Variants in TERF2 observed in about 807,000 individuals in gnomAD.
TERF2 encodes the protein telomeric repeat binding factor 2.
Under a neutral mutation model 56.1 loss-of-function variants are expected in TERF2, and 16 were observed. The observed-to-expected ratio is 0.29, with a 90% CI of 0.19 to 0.43. TERF2 has a LOEUF of 0.43. TERF2 is among the 20% of genes least tolerant of loss of function. The probability of loss-of-function intolerance (pLI) is 1.00; values close to 1 mark genes in which losing one functional copy is unlikely to be tolerated. For missense variants in TERF2, 547 were observed against 712.9 expected, an observed-to-expected ratio of 0.77 and a Z score of 2.65; for synonymous variants, 296 against 282.1, an observed-to-expected ratio of 1.05 and a Z score of -0.50.
intron 7 of TERF2, among the ~76,000 whole-genome samples, chr16:69,362,463 A>C (rs775209144): frequency 1.0e-3 from 152 of 152,130 alleles, no homozygotes; most frequent in Non-Finnish European, 1.4e-3. Context: ...CACATAGCAT[A>C]CCCAGCACAG....
In TERF2 at chr16:69,372,367, G is replaced by C. The variant is rs773532380; in HGVS notation, c.607-12C>G. The C allele has an allele frequency of 6.4e-7, 1 of 1,566,994 alleles. No homozygotes were observed. The highest frequency in any genetic ancestry group is 1.8e-5 in the Admixed American group (1 of 54,498). ...CAAATAATGACAGCCTAAAAAGGAG[G>C]GGAAAAATCTTTTTTTACTTTTGTA... On this transcript the variant is annotated splice_polypyrimidine_tract_variant and intron_variant, in intron 3 of 9. Coordinates refer to ENST00000254942, the MANE Select transcript of TERF2 (RefSeq NM_005652.5).
At chr16:69,370,280 CT>C in intron 5 of TERF2, 3 of 631,746 alleles carry the variant, frequency 4.7e-6, no homozygotes, top group Non-Finnish European at 7.8e-6. Flanking sequence ...ATCCACCCCC[CT>C]GGGCCTCCCA....
intron 8 of TERF2, among the ~76,000 whole-genome samples, chr16:69,358,520 C>T (rs2142702209): frequency 6.6e-6 from 1 of 152,296 alleles, no homozygotes; most frequent in South Asian, 2.1e-4. Context: ...TCTACATATA[C>T]ATATAGGTAT....
At chr16:69,359,304 G>C (rs2013038661) in intron 8 of TERF2, among the ~76,000 whole-genome samples, 1 of 152,122 alleles carries the variant, frequency 6.6e-6, no homozygotes, top group Non-Finnish European at 1.5e-5. Context: ...AAGGCGGGCG[G>C]ATCACTTGAG....
In TERF2 at chr16:69,368,267, C is replaced by A. The variant is rs544676933; in HGVS notation, c.947+109G>T. On this transcript the variant is annotated intron_variant, in intron 6 of 9. Coordinates refer to ENST00000254942, the MANE Select transcript of TERF2 (RefSeq NM_005652.5). ...GCCTTGTATGAGTAACCTCGTAACACGTTAGTAGGTCGGAGTGCTGAGAGG... is the reference window on the plus strand; with the variant it reads ...GCCTTGTATGAGTAACCTCGTAACAAGTTAGTAGGTCGGAGTGCTGAGAGG... 8.9e-5 allele frequency: 88 copies of A among 984,440 alleles called. No individual in the cohort carries two copies. In the East Asian group the frequency reaches 2.0e-3, roughly 23 times the overall value. 61.0% of individuals were successfully genotyped at this position (984,440 alleles called of 1,614,324 possible). A position where few individuals can be genotyped will look rare whatever the true frequency, so the allele number is the denominator to read the frequency against.
chr16:69,367,831 C>T (rs2013408061), intron 6 of TERF2, among the ~76,000 whole-genome samples: 1 of 152,086 alleles, frequency 6.6e-6, no homozygotes, highest in Non-Finnish European at 1.5e-5. Context: ...CATGGAAAAC[C>T]CTGGACATCT....
chr16:69,361,233 A>C (rs2013125418), intron 8 of TERF2, 171 bp downstream of exon 8: 1 of 614,158 alleles, frequency 1.6e-6, no homozygotes, highest in Admixed American at 2.9e-5. Context: ...CCCTGTCTGA[A>C]AAAGGAAAAA....
chr16:69,380,409 C>G (rs1259258713), intron 3 of TERF2, among the ~76,000 whole-genome samples: 1 of 151,588 alleles, frequency 6.6e-6, no homozygotes, highest in Non-Finnish European at 1.5e-5. Flanking sequence ...TCCTGTAATC[C>G]CAGCACTTTG....
At chr16:69,360,437 C>G (rs932875636) in intron 8 of TERF2, among the ~76,000 whole-genome samples, 35 of 151,400 alleles carry the variant, frequency 2.3e-4, no homozygotes, top group African/African-American at 7.3e-4. Context: ...GGTATGGTGG[C>G]TCACAAGTAT....
chr16:69,367,533 G>A (rs143164698), intron 6 of TERF2, among the ~76,000 whole-genome samples: 3,205 of 152,176 alleles, frequency 0.021, 121 homozygotes, highest in African/African-American at 0.073. Flanking sequence ...GATTACAGGC[G>A]TGATCCACCA....
At chr16:69,357,971 C>T (rs2012975952) in intron 8 of TERF2, among the ~76,000 whole-genome samples, 1 of 151,616 alleles carries the variant, frequency 6.6e-6, no homozygotes, top group Admixed American at 6.6e-5. Flanking sequence ...GCCTCAGCCT[C>T]CCGAGTGACT....
intron 5 of TERF2, 44 bp downstream of exon 5, chr16:69,370,439 C>T (rs781320543): frequency 6.3e-7 from 1 of 1,597,174 alleles, no homozygotes; most frequent in Non-Finnish European, 8.5e-7. Context: ...CCCCGCACAT[C>T]CTCAAGGGCA....
intron 7 of TERF2, among the ~76,000 whole-genome samples, chr16:69,362,737 G>A (rs1388267805): frequency 6.6e-6 from 1 of 152,052 alleles, no homozygotes; most frequent in Non-Finnish European, 1.5e-5. Context: ...AACTGCCCTG[G>A]GAACAGAGCA....
chr16:69,357,128 A>G (rs1184313279), intron 9 of TERF2, 72 bp from the exon 10 acceptor site: 2 of 1,501,710 alleles, frequency 1.3e-6, no homozygotes, highest in Non-Finnish European at 1.8e-6. Context: ...CAATGTAGTG[A>G]TAAGGTAAAC....
At chr16:69,369,984 CCAG>C (rs1242496121) in intron 5 of TERF2, among the ~76,000 whole-genome samples, 11 of 152,270 alleles carry the variant, frequency 7.2e-5, no homozygotes, top group Admixed American at 6.5e-4. Flanking sequence ...ATGAGGGAGA[CCAG>C]GTGTGTTCCA....
intron 7 of TERF2, 90 bp downstream of exon 7, chr16:69,366,717 G>A (rs1279297826): frequency 1.4e-6 from 2 of 1,463,458 alleles, no homozygotes; most frequent in Non-Finnish European, 9.1e-7. Context: ...GAGTAACTTA[G>A]CTGAAAGTTA....
chr16:69,375,004 T>C (rs2013725449), intron 3 of TERF2, among the ~76,000 whole-genome samples: 1 of 152,154 alleles, frequency 6.6e-6, no homozygotes, highest in African/African-American at 2.4e-5. Flanking sequence ...TGTAGGACTT[T>C]TTTTTTAAAG....
chr16:69,371,500 C>CAAAAAAAAAAAAAAA (rs778947462), intron 4 of TERF2, among the ~76,000 whole-genome samples: 1 of 42,052 alleles, frequency 2.4e-5, no homozygotes. Flanking sequence ...GACTCCATCT[C>CAAAAAAAAAAAAAAA]AAAAAAAAAA....
At chr16:69,383,995 C>G (rs954167471) in intron 3 of TERF2, among the ~76,000 whole-genome samples, 4 of 152,330 alleles carry the variant, frequency 2.6e-5, no homozygotes, top group Admixed American at 6.5e-5. Context: ...TGAGCCACAA[C>G]ACAGTGACAA....
Sources: gnomAD v4.1 joint callset for allele counts (sites outside exome capture counted in the v4.1 genomes callset) on GRCh38, gnomAD v4.1.1 for gene constraint, MANE v1.5 for transcripts, NCBI Gene and HGNC (gene_info 2026-07-23, HGNC 2026-07-21) for gene names.